Variants in MYO16 observed in about 807,000 individuals in gnomAD.
MYO16 encodes unconventional myosin-XVI.
In MYO16, 94 loss-of-function variants were observed where a neutral mutation model predicts 205.3. The ratio of observed to expected loss-of-function variants is 0.46; its 90% CI spans 0.39 to 0.54. The LOEUF is 0.54. Ranked by LOEUF, MYO16 falls within the 20% of genes least tolerant of loss-of-function variation. The pLI is 0.00. For missense variants in MYO16, 2,315 were observed against 2,387.5 expected, an observed-to-expected ratio of 0.97 and a Z score of 0.63; for synonymous variants, 988 against 954.0, an observed-to-expected ratio of 1.04 and a Z score of -0.66.
chr13:108,838,456 A>G (rs910012290), intron 9 of MYO16, among the ~76,000 whole-genome samples: 1 of 151,292 alleles, frequency 6.6e-6, no homozygotes, highest in African/African-American at 2.4e-5. Flanking sequence ...GGAGTTTGAG[A>G]CCAGCCTGGC....
Position 109,096,547 on chromosome 13 carries a change from G to C in MYO16, c.3336-4238G>C, listed in dbSNP as rs575579650. ...ATTATCTGTCTCACTATCAAAAGAC[G>C]ATTGTCATCCAGGCCTGTGTCTGTG... On this transcript the variant is annotated intron_variant, in intron 27 of 34. Coordinates refer to ENST00000457511, the MANE Select transcript of MYO16 (RefSeq NM_001198950.3). Among the ~76,000 whole-genome samples the C allele has an allele frequency of 1.2e-4, 19 of 152,306 alleles. No homozygotes were observed. The South Asian group carries it at 3.5e-3, about 28-fold the overall frequency.
chr13:108,645,044 T>C (rs1880689309), intron 1 of MYO16, among the ~76,000 whole-genome samples: 1 of 152,154 alleles, frequency 6.6e-6, no homozygotes, highest in Non-Finnish European at 1.5e-5. Flanking sequence ...CAGGAAACAG[T>C]AGCAGAGACA....
chr13:108,640,793 C>A (rs529411158), intron 1 of MYO16, among the ~76,000 whole-genome samples: 28 of 152,258 alleles, frequency 1.8e-4, no homozygotes, highest in African/African-American at 6.7e-4. Flanking sequence ...TAACGACAAC[C>A]ATAAGAGCAA....
chr13:109,077,909 T>G (rs544646017), intron 27 of MYO16, among the ~76,000 whole-genome samples: 1 of 152,258 alleles, frequency 6.6e-6, no homozygotes, highest in African/African-American at 2.4e-5. Flanking sequence ...TAATTTCCTG[T>G]GTATTAGGTA....
chr13:108,634,584 C>T (rs10161937), intron 1 of MYO16, among the ~76,000 whole-genome samples: 1,949 of 152,318 alleles, frequency 0.013, 49 homozygotes, highest in African/African-American at 0.045. Flanking sequence ...CCCTCACCTC[C>T]TTGTCTCCTC....
intron 1 of MYO16, among the ~76,000 whole-genome samples, chr13:108,607,880 T>C (rs535861236): frequency 2.0e-4 from 30 of 152,324 alleles, no homozygotes; most frequent in African/African-American, 7.0e-4. Context: ...TGCTAAACCT[T>C]AACTACTGGT....
chr13:108,864,848 G>T (rs149273674), intron 11 of MYO16, among the ~76,000 whole-genome samples: 27 of 152,208 alleles, frequency 1.8e-4, no homozygotes, highest in African/African-American at 5.8e-4. Flanking sequence ...ATGATGCCTT[G>T]ATGTACATAC....
At chr13:108,632,531 A>C (rs1448389580) in intron 1 of MYO16, among the ~76,000 whole-genome samples, 2 of 152,192 alleles carry the variant, frequency 1.3e-5, no homozygotes, top group Non-Finnish European at 2.9e-5. Context: ...TAAGGTGAAA[A>C]AATTATACGC....
chr13:109,044,890 G>C (rs567976470), intron 23 of MYO16, among the ~76,000 whole-genome samples: 1 of 152,172 alleles, frequency 6.6e-6, no homozygotes, highest in South Asian at 2.1e-4. Flanking sequence ...GGGTTTCACT[G>C]TATTGGTCAG....
At chr13:109,204,156 C>A (rs1880510897) in intron 34 of MYO16, among the ~76,000 whole-genome samples, 1 of 152,188 alleles carries the variant, frequency 6.6e-6, no homozygotes, top group Admixed American at 6.5e-5. Context: ...ATTTTTACAA[C>A]AGGAACAATA....
chr13:108,972,245 C>CTATATATATATATATATATATA (rs1374363684), intron 20 of MYO16, among the ~76,000 whole-genome samples: 1 of 8,608 alleles, frequency 1.2e-4, no homozygotes, highest in Non-Finnish European at 2.5e-4. Flanking sequence ...CTCTCTCTCT[C>CTATATATATATATATATATATA]TCTCTATATA....
At chr13:108,715,212 G>T (rs1239822648) in intron 3 of MYO16, among the ~76,000 whole-genome samples, 2 of 152,134 alleles carry the variant, frequency 1.3e-5, no homozygotes, top group Non-Finnish European at 2.9e-5. Context: ...CTCCTGCTCC[G>T]TGTGCTCTTG....
intron 15 of MYO16, among the ~76,000 whole-genome samples, chr13:108,902,774 A>C (rs1880772536): frequency 6.6e-6 from 1 of 152,030 alleles, no homozygotes; most frequent in South Asian, 2.1e-4. Flanking sequence ...GACACACCCT[A>C]CTCCAGTATG....
At chr13:108,645,496 A>G (rs1490528022) in intron 1 of MYO16, among the ~76,000 whole-genome samples, 2 of 151,948 alleles carry the variant, frequency 1.3e-5, no homozygotes, top group African/African-American at 4.8e-5. Flanking sequence ...AAACTTGCCT[A>G]CTCTGTGCCC....
intron 13 of MYO16, among the ~76,000 whole-genome samples, chr13:108,886,979 CT>C (rs1241848076): frequency 3.3e-5 from 5 of 152,152 alleles, no homozygotes; most frequent in African/African-American, 9.7e-5. Flanking sequence ...AAGATACATG[CT>C]TTCTCCATTT....
At chr13:108,519,396 C>G in the MYO16 span, among the ~76,000 whole-genome samples, 1 of 151,998 alleles carries the variant, frequency 6.6e-6, no homozygotes, top group South Asian at 2.1e-4. Flanking sequence ...TGTACTCCCA[C>G]CCCTCTGTTT....
At chr13:108,524,710 C>T in the MYO16 span, among the ~76,000 whole-genome samples, 2 of 152,072 alleles carry the variant, frequency 1.3e-5, no homozygotes, top group Admixed American at 6.6e-5. Flanking sequence ...CCATCATTCT[C>T]CACTATGAAA....
chr13:108,891,395 A>G (rs924914853), intron 14 of MYO16, among the ~76,000 whole-genome samples: 1 of 152,012 alleles, frequency 6.6e-6, no homozygotes, highest in Non-Finnish European at 1.5e-5. Flanking sequence ...AAAATGTCTT[A>G]TCTCGCAGGT....
At position 108,750,396 on chromosome 13, in the gene MYO16, G is replaced by A. The variant is rs149674182; in HGVS notation, c.507+22813G>A. Among the ~76,000 whole-genome samples, 777 of 152,218 alleles carry A rather than the reference G, an allele frequency of 5.1e-3. 7 individuals are homozygous for A. Among genetic ancestry groups the A allele is most frequent in the Middle Eastern group, 0.014 (4 of 294 alleles). ...AAAGTAAGGTGCCGATAATGAGAGG[G>A]CTCTGTAAGGCTAAAGCCAAACATC... On this transcript the variant is annotated intron_variant, in intron 4 of 34. Coordinates refer to ENST00000457511, the MANE Select transcript of MYO16 (RefSeq NM_001198950.3).
Sources: allele counts gnomAD v4.1 joint callset (sites outside exome capture counted in the v4.1 genomes callset), GRCh38; gene constraint gnomAD v4.1.1; transcripts MANE v1.5; gene names NCBI Gene and HGNC (gene_info 2026-07-23, HGNC 2026-07-21).